The following KLHL3 variants were observed in gnomAD, a reference collection of about 807,000 sequenced individuals.
KLHL3 encodes the protein kelch like family member 3.
KLHL3 carries 19 observed loss-of-function variants against 70.5 expected under a neutral mutation model. The observed-to-expected ratio is 0.27, with a 90% confidence interval of 0.19 to 0.40. KLHL3 has a LOEUF of 0.40. Among genes scored for constraint, KLHL3 ranks in the 10% least tolerant of loss-of-function variants. The probability of loss-of-function intolerance (pLI) is 1.00; values close to 1 mark genes in which losing one functional copy is unlikely to be tolerated. For missense variants in KLHL3, 512 were observed against 771.1 expected (o/e 0.66, Z 3.98); for synonymous variants, 258 against 290.3 (o/e 0.89, Z 1.13).
At chr5:137,644,886 A>G in intron 8 of KLHL3, among the ~76,000 whole-genome samples, 1 of 152,214 alleles carries the variant, frequency 6.6e-6, no homozygotes, top group Non-Finnish European at 1.5e-5. Context: ...ACCAATATCC[A>G]TGATGAACAC....
Position 137,639,032 on chromosome 5 carries a change from C to T in KLHL3, c.1140G>A (p.Met380Ile). 1 of 1,614,186 alleles carries T rather than the reference C, an allele frequency of 6.2e-7. No individual in the cohort carries two copies. The highest frequency in any genetic ancestry group is 8.5e-7 in the Non-Finnish European group (1 of 1,180,022). Residue 380 changes from methionine (M) to isoleucine (I), a missense_variant, in exon 10 of 15, where the codon ATG (methionine) becomes ATA (isoleucine). Met to Ile is a conservative substitution (Grantham distance 10). Coordinates refer to ENST00000309755, the MANE Select transcript of KLHL3 (RefSeq NM_017415.3). The surrounding 1 kb of genome is among the most constrained non-coding windows in gnomAD (Gnocchi z 5.0). ...VKDQWTSIAS[M>I]QERRSTLGAA... Reference sequence around the variant, plus strand: ...CGCCCAGTGTGCTCCGGCGCTCCTGCATGCTGGCAATGGACGTCCACTGGT... The same window carrying T: ...CGCCCAGTGTGCTCCGGCGCTCCTGTATGCTGGCAATGGACGTCCACTGGT...
intron 6 of KLHL3, among the ~76,000 whole-genome samples, chr5:137,663,590 A>G (rs369925672): frequency 1.4e-4 from 22 of 151,990 alleles, no homozygotes; most frequent in African/African-American, 5.1e-4. Flanking sequence ...TAATACCCAT[A>G]CATCACTTCA....
chr5:137,641,581 C>A (rs1750915192), intron 8 of KLHL3, among the ~76,000 whole-genome samples: 1 of 152,108 alleles, frequency 6.6e-6, no homozygotes, highest in East Asian at 1.9e-4. Flanking sequence ...GAGAAGTGCC[C>A]ATCAAAATCT....
At chr5:137,731,886 A>G (rs1354033926) in intron 1 of KLHL3, among the ~76,000 whole-genome samples, 1 of 152,160 alleles carries the variant, frequency 6.6e-6, no homozygotes, top group Non-Finnish European at 1.5e-5. Flanking sequence ...GTATAATTTT[A>G]ACCGTTTTTA....
At position 137,709,870 on chromosome 5, in the gene KLHL3, G is replaced by A. The variant is rs1190876879; in HGVS notation, c.135-14C>T. 1 of 1,605,334 alleles carries A rather than the reference G, an allele frequency of 6.2e-7. No homozygotes were observed. The highest frequency in any genetic ancestry group is 1.3e-5 in the African/African-American group (1 of 74,736). ...AACAGCTGTTTACTGTAAGACACCA[G>A]TGAGAGGACAGGATGGGTTGCAGCA... is the stretch of plus-strand genomic sequence containing the variant. On this transcript the variant is annotated splice_polypyrimidine_tract_variant and intron_variant, in intron 2 of 14. Transcript: ENST00000309755.
intron 1 of KLHL3, among the ~76,000 whole-genome samples, chr5:137,727,948 T>C (rs1046866919): frequency 6.6e-6 from 1 of 152,152 alleles, no homozygotes; most frequent in South Asian, 2.1e-4. Context: ...GCTACCAACA[T>C]GATGCCACCG....
chr5:137,644,753 C>T (rs1751001714), intron 8 of KLHL3, among the ~76,000 whole-genome samples: 1 of 152,170 alleles, frequency 6.6e-6, no homozygotes, highest in Non-Finnish European at 1.5e-5. Flanking sequence ...AGAACTAATA[C>T]CAGTTATTCT....
Position 137,633,948 on chromosome 5 carries a change from A to G in KLHL3, c.1450+89T>C, listed in dbSNP as rs7713180. 481,602 of 1,521,306 alleles carry G rather than the reference A, an allele frequency of 0.32. 79,644 individuals are homozygous for G. Among genetic ancestry groups the G allele is most frequent in the East Asian group, 0.54 (24,061 of 44,336 alleles). The allele number at this position is 1,521,306 out of a possible 1,614,324, so 94.2% of individuals were successfully genotyped here. On this transcript the variant is annotated intron_variant, in intron 12 of 14. Transcript: ENST00000309755. ...ATCCATGTAACAAACCTGCACATGT[A>G]CCCTCTAAATCTAAAATAAAACAAA...
intron 12 of KLHL3, chr5:137,628,676 G>A (rs576060373): frequency 8.9e-6 from 3 of 336,042 alleles, no homozygotes; most frequent in Non-Finnish European, 1.6e-5. Flanking sequence ...CCCAAATTCT[G>A]TTTTTAAAAA....
At chr5:137,637,184 T>C in intron 11 of KLHL3, 110 bp downstream of exon 11, 2 of 786,744 alleles carry the variant, frequency 2.5e-6, no homozygotes, top group Middle Eastern at 3.1e-4. Flanking sequence ...CCCAGAGGAG[T>C]GATCTCAGGA....
chr5:137,730,478 C>G (rs1256326945), intron 1 of KLHL3, among the ~76,000 whole-genome samples: 1 of 152,216 alleles, frequency 6.6e-6, no homozygotes, highest in Non-Finnish European at 1.5e-5. Context: ...GGCCTTCACA[C>G]AAGCCAATCA....
chr5:137,629,392 C>T (rs1750571773), intron 12 of KLHL3: 1 of 152,146 alleles, frequency 6.6e-6, no homozygotes, highest in Non-Finnish European at 1.5e-5. Context: ...CTTCTCCACT[C>T]CATGGGCAGG....
chr5:137,662,114 A>AAGAG lies in KLHL3; in HGVS notation c.637-87_637-84dup, dbSNP rs1554092409. The AAGAG allele has an allele frequency of 7.0e-4, 360 of 513,780 alleles. 3 individuals carry two copies. The highest frequency in any genetic ancestry group is 3.4e-3 in the South Asian group (116 of 34,198). The allele number at this position is 513,780 out of a possible 1,614,324, so 31.8% of individuals were successfully genotyped here. On this transcript the variant is annotated intron_variant, in intron 6 of 14. Transcript: ENST00000309755. ...CCTCAATCTGTAAAAAAAAAAAAAAAAGAGAGAGAGAAAAAGTTATGAGTC... is the reference window on the plus strand; with the variant it reads ...CCTCAATCTGTAAAAAAAAAAAAAAAAGAGAGAGAGAGAGAAAAAGTTATGAGTC...
intron 1 of KLHL3, among the ~76,000 whole-genome samples, chr5:137,732,923 A>C (rs938313258): frequency 2.6e-5 from 4 of 152,246 alleles, no homozygotes; most frequent in African/African-American, 9.6e-5. Flanking sequence ...TTTGTAAAGC[A>C]GATTCACCGC....
At chr5:137,696,057 T>A (rs953977941) in intron 4 of KLHL3, among the ~76,000 whole-genome samples, 3 of 152,040 alleles carry the variant, frequency 2.0e-5, no homozygotes, top group Admixed American at 6.5e-5. Flanking sequence ...CCATTTTTCA[T>A]GTGCAGGCCC....
At chr5:137,641,222 G>A (rs1750907116) in intron 8 of KLHL3, among the ~76,000 whole-genome samples, 1 of 152,198 alleles carries the variant, frequency 6.6e-6, no homozygotes, top group African/African-American at 2.4e-5. Context: ...GAGAAAGGGT[G>A]GAAGTCACAA....
At chr5:137,627,012 C>A (rs905859656) in intron 13 of KLHL3, among the ~76,000 whole-genome samples, 2 of 151,736 alleles carry the variant, frequency 1.3e-5, no homozygotes, top group African/African-American at 2.4e-5. Flanking sequence ...AAAAAAAATC[C>A]ATTTCTGGCC....
At chr5:137,692,074 G>A (rs571351936) in intron 5 of KLHL3, among the ~76,000 whole-genome samples, 26 of 152,248 alleles carry the variant, frequency 1.7e-4, no homozygotes, top group African/African-American at 3.4e-4. Flanking sequence ...GAAAATTACT[G>A]TCTGTACCAT....
intron 5 of KLHL3, among the ~76,000 whole-genome samples, chr5:137,692,070 T>A (rs1752336114): frequency 6.6e-6 from 1 of 152,214 alleles, no homozygotes; most frequent in African/African-American, 2.4e-5. Flanking sequence ...TAGTGAAAAT[T>A]ACTGTCTGTA....
Sources: allele counts gnomAD v4.1 joint callset (sites outside exome capture counted in the v4.1 genomes callset), GRCh38; gene constraint gnomAD v4.1.1; non-coding constraint Gnocchi (gnomAD v3.1); transcripts MANE v1.5; gene names NCBI Gene and HGNC (gene_info 2026-07-23, HGNC 2026-07-21).